ROBO1: variants seen among roughly 807,000 people sequenced by gnomAD.
The protein encoded by ROBO1 is roundabout homolog 1.
Under a neutral mutation model 195.9 loss-of-function variants are expected in ROBO1, and 149 were observed. The observed-to-expected ratio is 0.76, with a 90% CI of 0.67 to 0.87. ROBO1 has a LOEUF of 0.87. Among genes scored for constraint, ROBO1 ranks in the 40% least tolerant of loss-of-function variants. The pLI is 0.00. For missense variants in ROBO1, 1,933 were observed against 2,068.3 expected, an observed-to-expected ratio of 0.93 and a Z score of 1.27; for synonymous variants, 816 against 733.2, an observed-to-expected ratio of 1.11 and a Z score of -1.82.
chr3:79,258,489 T>C (rs966788991), intron 2 of ROBO1, among the ~76,000 whole-genome samples: 2 of 152,194 alleles, frequency 1.3e-5, no homozygotes, highest in African/African-American at 4.8e-5. Context: ...TTTAGGCATA[T>C]TGTAAATATT....
chr3:78,910,294 T>A (rs1234364360), intron 4 of ROBO1, among the ~76,000 whole-genome samples: 1 of 151,920 alleles, frequency 6.6e-6, no homozygotes, highest in Non-Finnish European at 1.5e-5. Context: ...TTTATATACA[T>A]AACAGAGGCA....
chr3:79,085,293 C>T (rs573293420), intron 3 of ROBO1, among the ~76,000 whole-genome samples: 1 of 152,272 alleles, frequency 6.6e-6, no homozygotes, highest in South Asian at 2.1e-4. Context: ...ATTCTGGACA[C>T]TTCTGTTTAA....
At chr3:78,677,453 G>A (rs928991266) in intron 10 of ROBO1, among the ~76,000 whole-genome samples, 1 of 151,976 alleles carries the variant, frequency 6.6e-6, no homozygotes. Flanking sequence ...GACACACACA[G>A]GCTCAAAATA....
intron 1 of ROBO1, among the ~76,000 whole-genome samples, chr3:79,652,819 TTC>T (rs754342854): frequency 9.2e-5 from 14 of 152,038 alleles, no homozygotes; most frequent in Non-Finnish European, 1.8e-4. Flanking sequence ...ACTTCTGTTG[TTC>T]TCTTACTTTC....
chr3:79,623,616 T>C (rs1185964758), intron 1 of ROBO1, among the ~76,000 whole-genome samples: 1 of 151,972 alleles, frequency 6.6e-6, no homozygotes, highest in Non-Finnish European at 1.5e-5. Flanking sequence ...ACTGCCTTAT[T>C]AAAACAAGAC....
intron 5 of ROBO1, among the ~76,000 whole-genome samples, chr3:78,720,694 C>T (rs963690949): frequency 6.6e-6 from 1 of 152,144 alleles, no homozygotes; most frequent in Non-Finnish European, 1.5e-5. Flanking sequence ...GGAACCAACC[C>T]AAATGTCCAT....
At chr3:79,683,447 A>C (rs922732077) in intron 1 of ROBO1, among the ~76,000 whole-genome samples, 1 of 152,130 alleles carries the variant, frequency 6.6e-6, no homozygotes, top group African/African-American at 2.4e-5. Flanking sequence ...TTATTTCAAG[A>C]TATACCTAAC....
At chr3:79,698,494 T>C (rs1947513121) in intron 1 of ROBO1, among the ~76,000 whole-genome samples, 6 of 151,550 alleles carry the variant, frequency 4.0e-5, no homozygotes. Flanking sequence ...GATAATAATT[T>C]GATTACTTAG....
At chr3:78,800,668 T>G (rs1181430145) in intron 4 of ROBO1, among the ~76,000 whole-genome samples, 1 of 152,132 alleles carries the variant, frequency 6.6e-6, no homozygotes, top group East Asian at 1.9e-4. Context: ...GCGATTCTCC[T>G]GCCTCAGCCT....
chr3:78,714,623 T>C (rs2081854888), intron 7 of ROBO1, 99 bp from the exon 8 acceptor site: 1 of 1,091,138 alleles, frequency 9.2e-7, no homozygotes, highest in African/African-American at 1.6e-5. Context: ...TACATTCTTT[T>C]CTGATAACTT....
intron 4 of ROBO1, among the ~76,000 whole-genome samples, chr3:78,811,888 T>C (rs568938971): frequency 1.3e-5 from 2 of 152,242 alleles, no homozygotes; most frequent in East Asian, 3.9e-4. Flanking sequence ...GAGGCAAATC[T>C]CATTTGTATG....
intron 2 of ROBO1, among the ~76,000 whole-genome samples, chr3:79,464,044 T>C (rs1273652550): frequency 6.6e-6 from 1 of 152,232 alleles, no homozygotes; most frequent in African/African-American, 2.4e-5. Flanking sequence ...AAAGTCTTTA[T>C]GTGAGTTGCT....
In ROBO1 at chr3:79,329,763, T is replaced by C. The variant is rs567625844; in HGVS notation, c.89-204224A>G. On this transcript the variant is annotated intron_variant, in intron 2 of 30. Coordinates refer to ENST00000464233, the MANE Select transcript of ROBO1 (RefSeq NM_002941.4). ...GTGAGATAGAATAATACAAATTCTT[T>C]ATTGTCTAGTAAATCTCAAGCAACG... 2.2e-3 allele frequency among the ~76,000 whole-genome samples: 329 copies of C among 152,336 alleles called. 1 individual carries two copies. Among genetic ancestry groups the C allele is most frequent in the African/African-American group, 6.9e-3 (287 of 41,584 alleles).
intron 8 of ROBO1, among the ~76,000 whole-genome samples, chr3:78,706,861 A>C (rs898759347): frequency 2.0e-5 from 3 of 152,172 alleles, no homozygotes; most frequent in African/African-American, 7.2e-5. Flanking sequence ...GATATGGGAA[A>C]ATGGGAACAT....
intron 10 of ROBO1, among the ~76,000 whole-genome samples, chr3:78,674,652 G>T (rs538696642): frequency 2.0e-5 from 3 of 152,272 alleles, no homozygotes; most frequent in African/African-American, 7.2e-5. Flanking sequence ...GATATTTAGA[G>T]ATTTTGTTTT....
intron 2 of ROBO1, among the ~76,000 whole-genome samples, chr3:79,566,579 G>A (rs1212691280): frequency 6.6e-6 from 1 of 152,016 alleles, no homozygotes; most frequent in Non-Finnish European, 1.5e-5. Flanking sequence ...AGAGAGGGGG[G>A]ATCCCACAGT....
chr3:78,750,977 GT>G (rs1261949307), intron 4 of ROBO1, among the ~76,000 whole-genome samples: 12 of 152,140 alleles, frequency 7.9e-5, no homozygotes, highest in African/African-American at 2.9e-4. Flanking sequence ...CTATTGTAAT[GT>G]AAAAATCCAA....
intron 4 of ROBO1, among the ~76,000 whole-genome samples, chr3:78,907,056 T>C (rs2037965792): frequency 6.6e-6 from 1 of 152,074 alleles, no homozygotes; most frequent in Admixed American, 6.6e-5. Flanking sequence ...CATAGCCTTT[T>C]CATATAATTT....
At chr3:78,946,381 GA>G (rs2040445926) in intron 3 of ROBO1, among the ~76,000 whole-genome samples, 1 of 152,142 alleles carries the variant, frequency 6.6e-6, no homozygotes, top group African/African-American at 2.4e-5. Flanking sequence ...CATTCTTAAA[GA>G]AAAGAATTTT....
Sources: allele counts gnomAD v4.1 joint callset (sites outside exome capture counted in the v4.1 genomes callset), GRCh38; gene constraint gnomAD v4.1.1; transcripts MANE v1.5; gene names NCBI Gene and HGNC (gene_info 2026-07-23, HGNC 2026-07-21).